DDX19A: variants seen among roughly 807,000 people sequenced by gnomAD.
DDX19A encodes the protein ATP-dependent RNA helicase DDX19A.
DDX19A carries 12 observed loss-of-function variants against 60.6 expected under a neutral mutation model. The observed-to-expected ratio is 0.20, with a 90% CI of 0.13 to 0.32. The LOEUF (loss-of-function observed/expected upper bound fraction) is 0.32. DDX19A is among the 10% of genes least tolerant of loss of function. DDX19A has a pLI of 1.00. For missense variants in DDX19A, 337 were observed against 600.6 expected (o/e 0.56, Z 4.59); for synonymous variants, 206 against 218.2 (o/e 0.94, Z 0.49).
At chr16:70,365,951 A>AG in intron 7 of DDX19A, 134 bp from the exon 8 acceptor site, 1 of 1,345,048 alleles carries the variant, frequency 7.4e-7, no homozygotes, top group East Asian at 2.5e-5. Context: ...ACCAAGACTG[A>AG]GGGGAACACT....
intron 4 of DDX19A, among the ~76,000 whole-genome samples, chr16:70,357,366 GTTTTTTTTTTTTT>G (rs71151183): frequency 3.3e-3 from 146 of 44,542 alleles, no homozygotes; most frequent in African/African-American, 0.011. Flanking sequence ...TTTTTGGTTT[GTTTTTTTTTTTTT>G]TTTTTTTTTT....
chr16:70,369,048 G>A (rs1414548673), intron 9 of DDX19A, among the ~76,000 whole-genome samples: 2 of 151,604 alleles, frequency 1.3e-5, no homozygotes, highest in African/African-American at 4.9e-5. Flanking sequence ...TGTATTTTTA[G>A]TAGAGACAGG....
chr16:70,372,327 A>G lies in DDX19A; in HGVS notation c.*341A>G. 4.9e-6 allele frequency: 2 copies of G among 411,146 alleles called. No homozygotes were observed. Among genetic ancestry groups the G allele is most frequent in the Non-Finnish European group, 9.0e-6 (2 of 222,508 alleles). The allele number at this position is 411,146 out of a possible 1,614,324, so 25.5% of individuals were successfully genotyped here. A position where few individuals can be genotyped will look rare whatever the true frequency, so the allele number is the denominator to read the frequency against. On this transcript the variant is annotated 3_prime_UTR_variant, in exon 12 of 12. Coordinates refer to ENST00000302243, the MANE Select transcript of DDX19A (RefSeq NM_018332.5). ...TCGTGGAACCAGCTCCAGCCCCTGA[A>G]GAAACGATAGATGTGCAGGTTGTGC...
intron 10 of DDX19A, chr16:70,371,127 A>T (rs1964673597): frequency 1.5e-6 from 1 of 661,334 alleles, no homozygotes; most frequent in Non-Finnish European, 2.6e-6. Context: ...CATCTCCAGA[A>T]CATTGTGTCT....
At chr16:70,357,249 ACT>A (rs1291378145) in intron 4 of DDX19A, among the ~76,000 whole-genome samples, 7 of 118,062 alleles carry the variant, frequency 5.9e-5, no homozygotes, top group Admixed American at 8.6e-5. Flanking sequence ...ACAGAGCGAG[ACT>A]CTCTCTCAAA....
chr16:70,351,495 CT>C (rs1964016059), intron 2 of DDX19A, among the ~76,000 whole-genome samples: 2 of 152,056 alleles, frequency 1.3e-5, no homozygotes, highest in Non-Finnish European at 2.9e-5. Context: ...GCATGAGTCA[CT>C]GCACTTGGCC....
intron 9 of DDX19A, among the ~76,000 whole-genome samples, chr16:70,367,586 TA>T (rs577858481): frequency 7.8e-4 from 119 of 151,906 alleles, no homozygotes; most frequent in African/African-American, 2.8e-3. Context: ...GATTTTAGAA[TA>T]AAAGAGACAC....
chr16:70,364,227 G>C, intron 5 of DDX19A: 1 of 234,256 alleles, frequency 4.3e-6, no homozygotes, highest in South Asian at 8.3e-5. Context: ...TCTTGTCTGG[G>C]CACAGATCTT....
rs2562242 is a variant in DDX19A, at chr16:70,371,906, T to C, written c.1376-19T>C. 2.2e-4 allele frequency: 350 copies of C among 1,613,740 alleles called. 4 individuals are homozygous for C. The highest frequency in any genetic ancestry group is 7.9e-4 in the African/African-American group (59 of 75,042). ...GCACATTCCTGGGCAGGGTAGAGAC[T>C]TGTGTATCTTTCCCCCAGATAAGAA... On this transcript the variant is annotated intron_variant, in intron 11 of 11. Transcript: ENST00000302243.
At chr16:70,370,608 A>G (rs939012216) in intron 10 of DDX19A, 1 of 638,302 alleles carries the variant, frequency 1.6e-6, no homozygotes, top group Non-Finnish European at 2.4e-6. Flanking sequence ...AGGCAGGAAA[A>G]TTGCTTGAAC....
In DDX19A at chr16:70,372,337, G is replaced by GAT. The variant is rs1567659710; in HGVS notation, c.*352_*353dup. On this transcript the variant is annotated 3_prime_UTR_variant, in exon 12 of 12. Transcript: ENST00000302243. Reference sequence around the variant, plus strand: ...AGCTCCAGCCCCTGAAGAAACGATAGATGTGCAGGTTGTGCGGAAGAGGCT... The same window carrying GAT: ...AGCTCCAGCCCCTGAAGAAACGATAGATATGTGCAGGTTGTGCGGAAGAGGCT... 1.5e-5 allele frequency: 6 copies of GAT among 390,214 alleles called. No individual in the cohort carries two copies. Among genetic ancestry groups the GAT allele is most frequent in the Non-Finnish European group, 2.9e-5 (6 of 210,020 alleles). The allele number at this position is 390,214 out of a possible 1,614,324, so 24.2% of individuals were successfully genotyped here. A position where few individuals can be genotyped will look rare whatever the true frequency, so the allele number is the denominator to read the frequency against.
In DDX19A at chr16:70,346,967, A is replaced by G; in HGVS notation, c.-25A>G. ...GACGTGGTGCAGCGCATATTTTCAC[A>G]AGTGGGTCTCCCTTGTCCGGGACTA... On this transcript the variant is annotated 5_prime_UTR_variant, in exon 1 of 12. Coordinates refer to ENST00000302243, the MANE Select transcript of DDX19A (RefSeq NM_018332.5). 6.2e-7 allele frequency: 1 copy of G among 1,600,800 alleles called. No homozygotes were observed. Among genetic ancestry groups the G allele is most frequent in the South Asian group, 1.1e-5 (1 of 90,040 alleles).
intron 9 of DDX19A, among the ~76,000 whole-genome samples, chr16:70,368,550 C>G (rs934143731): frequency 2.3e-4 from 35 of 152,052 alleles, no homozygotes; most frequent in Non-Finnish European, 4.4e-5. Flanking sequence ...GGATTACAGG[C>G]ATGAGCCACT....
At chr16:70,348,555 A>T (rs867015367) in intron 1 of DDX19A, among the ~76,000 whole-genome samples, 28 of 142,602 alleles carry the variant, frequency 2.0e-4, no homozygotes, top group African/African-American at 6.5e-4. Flanking sequence ...TGAACCTGGG[A>T]GGTGGAGGTT....
In DDX19A at chr16:70,373,059, C is replaced by T. The variant is rs2047305317; in HGVS notation, c.*1073C>T. 2 of 151,990 alleles carry T rather than the reference C, an allele frequency of 1.3e-5. No individual in the cohort carries two copies. The highest frequency in any genetic ancestry group is 2.1e-4 in the South Asian group (1 of 4,820). The allele number at this position is 151,990 out of a possible 1,614,324, so 9.4% of individuals were successfully genotyped here. A position where few individuals can be genotyped will look rare whatever the true frequency, so the allele number is the denominator to read the frequency against. On this transcript the variant is annotated 3_prime_UTR_variant, in exon 12 of 12. Transcript: ENST00000302243. ...ACCAGCCTGGCCAACATGATGAAAC[C>T]CCGTCTCTACCAAAAATAGAAAAAA...
At chr16:70,366,993 T>A in intron 9 of DDX19A, 132 bp downstream of exon 9, 1 of 1,044,598 alleles carries the variant, frequency 9.6e-7, no homozygotes, top group Non-Finnish European at 1.4e-6. Context: ...AGAGACAGGC[T>A]CTCCTTTAGT....
At chr16:70,366,538 C>T (rs1249762739) in intron 8 of DDX19A, 86 bp from the exon 9 acceptor site, 66 of 1,560,338 alleles carry the variant, frequency 4.2e-5, no homozygotes, top group Non-Finnish European at 5.4e-5. Context: ...CCTTCCTGGG[C>T]ATCTAGACCC....
At chr16:70,356,626 G>A (rs1426626951) in intron 4 of DDX19A, among the ~76,000 whole-genome samples, 1 of 151,966 alleles carries the variant, frequency 6.6e-6, no homozygotes, top group African/African-American at 2.4e-5. Context: ...TCAAGGTGCT[G>A]GGATTACAGG....
intron 9 of DDX19A, among the ~76,000 whole-genome samples, chr16:70,370,012 A>G (rs191525989): frequency 5.3e-5 from 8 of 152,204 alleles, no homozygotes; most frequent in Admixed American, 4.6e-4. Context: ...TTTAGCTGCT[A>G]AGTTTCAGGT....
Sources: gnomAD v4.1 joint callset for allele counts (sites outside exome capture counted in the v4.1 genomes callset) on GRCh38, gnomAD v4.1.1 for gene constraint, MANE v1.5 for transcripts, NCBI Gene and HGNC (gene_info 2026-07-23, HGNC 2026-07-21) for gene names.